PPP3CA: variants seen among roughly 807,000 people sequenced by gnomAD.
PPP3CA encodes the protein protein phosphatase 3 catalytic subunit alpha, also known as CAM-PRP catalytic subunit.
PPP3CA carries 14 observed loss-of-function variants against 66.5 expected under a neutral mutation model. The ratio of observed to expected loss-of-function variants is 0.21; its 90% CI spans 0.14 to 0.33. PPP3CA has a LOEUF of 0.33. Among genes scored for constraint, PPP3CA ranks in the 10% least tolerant of loss-of-function variants. The pLI, the probability that PPP3CA is intolerant of heterozygous loss-of-function variation, is 1.00. For synonymous variants in PPP3CA, 232 were observed against 226.2 expected (o/e 1.03, Z -0.23); for missense variants, 317 against 639.5 (o/e 0.50, Z 5.44).
chr4:101,151,357 CA>C (rs1324112156), intron 2 of PPP3CA, among the ~76,000 whole-genome samples: 2 of 151,842 alleles, frequency 1.3e-5, no homozygotes, highest in Non-Finnish European at 2.9e-5. Flanking sequence ...GTCAGGAGTT[CA>C]AAACCAGCCT....
rs1283163480 is a variant in PPP3CA at position 101,228,322 on chromosome 4, C to A, written c.59-32206G>T. The stretch of plus-strand genomic sequence containing the variant: ...TTTCTGAGCAAAAATTATTGAGGTG[C>A]TAATATGTGAAGTTTTATGAGAATT... On this transcript the variant is annotated intron_variant, in intron 1 of 13. Coordinates refer to ENST00000394854, the MANE Select transcript of PPP3CA (RefSeq NM_000944.5). Among the ~76,000 whole-genome samples, 6 of 151,566 alleles carry A rather than the reference C, an allele frequency of 4.0e-5. No homozygotes were observed. In the East Asian group the frequency reaches 1.2e-3, roughly 30 times the overall value.
At chr4:101,171,128 T>C (rs566188035) in intron 2 of PPP3CA, 10 of 454,614 alleles carry the variant, frequency 2.2e-5, no homozygotes, top group Non-Finnish European at 3.1e-5. Flanking sequence ...GTCAGTAGTT[T>C]ACATTCCTTC....
At chr4:101,183,189 G>A (rs1578529439) in intron 2 of PPP3CA, among the ~76,000 whole-genome samples, 1 of 152,072 alleles carries the variant, frequency 6.6e-6, no homozygotes, top group East Asian at 1.9e-4. Context: ...GGGACCCAGT[G>A]GCCCTTCTGT....
intron 1 of PPP3CA, among the ~76,000 whole-genome samples, chr4:101,326,295 A>G (rs1247291032): frequency 6.6e-6 from 1 of 152,220 alleles, no homozygotes; most frequent in African/African-American, 2.4e-5. Flanking sequence ...CAGCTTGATC[A>G]CTTACTAGCT....
chr4:101,127,684 C>T (rs950283909), intron 2 of PPP3CA, among the ~76,000 whole-genome samples: 1 of 150,618 alleles, frequency 6.6e-6, no homozygotes, highest in Non-Finnish European at 1.5e-5. Context: ...TGAGGCCAGC[C>T]CTAAGAAACA....
intron 2 of PPP3CA, among the ~76,000 whole-genome samples, chr4:101,163,807 G>A (rs1723599184): frequency 6.6e-6 from 1 of 151,910 alleles, no homozygotes; most frequent in Non-Finnish European, 1.5e-5. Context: ...GTCACTTAAG[G>A]GAATCAGAAC....
chr4:101,048,158 A>G (rs1348738333), intron 10 of PPP3CA, among the ~76,000 whole-genome samples: 1 of 152,090 alleles, frequency 6.6e-6, no homozygotes, highest in East Asian at 1.9e-4. Flanking sequence ...GTTAAAATGG[A>G]AAAAGGGCAT....
Position 101,333,270 on chromosome 4 carries a change from G to GTTTTTTTTTTT in PPP3CA, c.58+13458_58+13468dup, listed in dbSNP as rs70961788. On this transcript the variant is annotated intron_variant, in intron 1 of 13. Transcript: ENST00000394854. ...CTACAGGCATGCACTACCATGCCCA[G>GTTTTTTTTTTT]TTTTTTTTTTTTTTTTTTTTTTTTT... Among the ~76,000 whole-genome samples the GTTTTTTTTTTT allele has an allele frequency of 7.8e-4, 37 of 47,266 alleles. 7 individuals are homozygous for GTTTTTTTTTTT. The highest frequency in any genetic ancestry group is 1.3e-3 in the Non-Finnish European group (26 of 20,150). The allele number at this position is 47,266 out of a possible 152,430, so 31.0% of individuals were successfully genotyped here.
intron 1 of PPP3CA, among the ~76,000 whole-genome samples, chr4:101,333,443 C>A (rs1729510932): frequency 6.6e-6 from 1 of 151,416 alleles, no homozygotes. Flanking sequence ...TCATTTTTTT[C>A]TCATATTATC....
intron 3 of PPP3CA, among the ~76,000 whole-genome samples, chr4:101,102,394 A>G (rs1730486202): frequency 6.6e-6 from 1 of 152,150 alleles, no homozygotes; most frequent in Admixed American, 6.5e-5. Flanking sequence ...TCTTGGCTCA[A>G]AATACCCTAA....
Position 101,039,099 on chromosome 4 carries a change from G to T in PPP3CA, c.1241+1383C>A, listed in dbSNP as rs972795175. 6.2e-5 allele frequency among the ~76,000 whole-genome samples: 9 copies of T among 145,646 alleles called. 1 individual carries two copies. The highest frequency in any genetic ancestry group is 1.4e-4 in the Admixed American group (2 of 14,598). ...AATTAAGCTTATGACCTTCATATAC[G>T]CCTTTGTCCCCACAGAACATTTTTC... On this transcript the variant is annotated intron_variant, in intron 11 of 13. Coordinates refer to ENST00000394854, the MANE Select transcript of PPP3CA (RefSeq NM_000944.5).
In PPP3CA at chr4:101,256,103, T is replaced by G. The variant is rs925341823; in HGVS notation, c.59-59987A>C. On this transcript the variant is annotated intron_variant, in intron 1 of 13. Coordinates refer to ENST00000394854, the MANE Select transcript of PPP3CA (RefSeq NM_000944.5). ...GTGCTGATGTTCTATTCACCACTCT[T>G]CTTACATCAAGATTTTTATTGAAAA... Among the ~76,000 whole-genome samples, 5 of 152,076 alleles carry G rather than the reference T, an allele frequency of 3.3e-5. No homozygotes were observed. In the South Asian group the frequency reaches 8.3e-4, roughly 25 times the overall value.
intron 6 of PPP3CA, among the ~76,000 whole-genome samples, chr4:101,093,260 A>G (rs982789932): frequency 3.9e-5 from 6 of 152,188 alleles, no homozygotes; most frequent in African/African-American, 1.4e-4. Flanking sequence ...TCTTTTGAGA[A>G]AGAAACTACC....
rs1267712879 is a variant in PPP3CA, at chr4:101,025,663, C to A, written c.*202G>T. ...CATACCCAAAAGAGGTGTTTAATCA[C>A]CATCCCCACCAAAATATAGTTTATT... On this transcript the variant is annotated 3_prime_UTR_variant, in exon 14 of 14. Transcript: ENST00000394854. 4.3e-6 allele frequency: 2 copies of A among 464,408 alleles called. No individual in the cohort carries two copies. The highest frequency in any genetic ancestry group is 7.4e-6 in the Non-Finnish European group (2 of 268,976). The allele number at this position is 464,408 out of a possible 1,614,324, so 28.8% of individuals were successfully genotyped here. A position where few individuals can be genotyped will look rare whatever the true frequency, so the allele number is the denominator to read the frequency against.
chr4:101,153,373 A>C (rs1197451060), intron 2 of PPP3CA, among the ~76,000 whole-genome samples: 3 of 152,234 alleles, frequency 2.0e-5, no homozygotes, highest in Admixed American at 2.0e-4. Context: ...TCAGCAAAAA[A>C]TAAATTACTA....
intron 2 of PPP3CA, among the ~76,000 whole-genome samples, chr4:101,128,527 G>T (rs1423263558): frequency 1.3e-5 from 2 of 151,814 alleles, no homozygotes; most frequent in Non-Finnish European, 2.9e-5. Flanking sequence ...GGTGATTTCT[G>T]CATTTCCAAC....
chr4:101,102,348 C>G lies in PPP3CA; in HGVS notation c.385-2626G>C, dbSNP rs555736533. Among the ~76,000 whole-genome samples the G allele has an allele frequency of 8.7e-5, 13 of 150,146 alleles. 1 individual carries two copies. The East Asian group carries it at 2.3e-3, about 27-fold the overall frequency. ...GAAATAGAAGGCAGAGAGAGAGAGA[C>G]AGAGAGAGAGAGAGAATATAACTCA... On this transcript the variant is annotated intron_variant, in intron 3 of 13. Coordinates refer to ENST00000394854, the MANE Select transcript of PPP3CA (RefSeq NM_000944.5).
rs1560605247 is a variant in PPP3CA at position 101,106,463 on chromosome 4, A to AGAAAGAAAGAAGAGAAGAGAAG, written c.384+2490_384+2491insCTTCTCTTCTCTTCTTTCTTTC. On this transcript the variant is annotated intron_variant, in intron 3 of 13. Transcript: ENST00000394854. The stretch of plus-strand genomic sequence containing the variant: ...AAAGAAAGAAAGAAAGAGAAAAGAA[A>AGAAAGAAAGAAGAGAAGAGAAG]AGAAAAGAAAAGAAAAGAAAAGAAA... Among the ~76,000 whole-genome samples, 18 of 33,770 alleles carry AGAAAGAAAGAAGAGAAGAGAAG rather than the reference A, an allele frequency of 5.3e-4. 1 individual carries two copies. Among genetic ancestry groups the AGAAAGAAAGAAGAGAAGAGAAG allele is most frequent in the Non-Finnish European group, 9.2e-4 (16 of 17,368 alleles). The allele number at this position is 33,770 out of a possible 152,430, so 22.2% of individuals were successfully genotyped here. A position where few individuals can be genotyped will look rare whatever the true frequency, so the allele number is the denominator to read the frequency against.
intron 1 of PPP3CA, among the ~76,000 whole-genome samples, chr4:101,276,227 C>G (rs1320797958): frequency 6.6e-6 from 1 of 151,972 alleles, no homozygotes; most frequent in Non-Finnish European, 1.5e-5. Flanking sequence ...TTACGGAAAC[C>G]TGCCCATATT....
Sources: gnomAD v4.1 joint callset for allele counts (sites outside exome capture counted in the v4.1 genomes callset) on GRCh38, gnomAD v4.1.1 for gene constraint, MANE v1.5 for transcripts, NCBI Gene and HGNC (gene_info 2026-07-23, HGNC 2026-07-21) for gene names.